The following RUSC1 variants were observed in gnomAD, a reference collection of about 807,000 sequenced individuals.
The protein encoded by RUSC1 is RUN and SH3 domain containing 1, also known as AP-4 complex accessory subunit RUSC1.
In RUSC1, 40 loss-of-function variants were observed where a neutral mutation model predicts 72.1. The ratio of observed to expected loss-of-function variants is 0.55; its 90% CI spans 0.43 to 0.72. RUSC1 has a LOEUF of 0.72. Among genes scored for constraint, RUSC1 ranks in the 30% least tolerant of loss-of-function variants. The pLI, the probability that RUSC1 is intolerant of heterozygous loss-of-function variation, is 0.00. For missense variants in RUSC1, 1,092 were observed against 1,172.3 expected, an observed-to-expected ratio of 0.93 and a Z score of 1.00; for synonymous variants, 512 against 494.2, an observed-to-expected ratio of 1.04 and a Z score of -0.48.
rs1332404114 is a variant in RUSC1 at position 155,322,931 on chromosome 1, G to T, written c.1158G>T (p.Pro386=). The change falls in exon 2 of 10, where the codon CCG becomes CCT. Residue 386 remains proline, a synonymous_variant. Transcript: ENST00000368352. ...SRSRAPAPPV[P]PRDPPVGWAL... is the part of the protein sequence containing the mutation. Reference sequence around the variant, plus strand: ...GCCGGGCCCCAGCCCCGCCAGTCCCGCCTCGAGACCCCCCAGTTGGCTGGG... The same window carrying T: ...GCCGGGCCCCAGCCCCGCCAGTCCCTCCTCGAGACCCCCCAGTTGGCTGGG... 2 of 1,601,310 alleles carry T rather than the reference G, an allele frequency of 1.2e-6. No individual in the cohort carries two copies. Among genetic ancestry groups the T allele is most frequent in the Non-Finnish European group, 1.7e-6 (2 of 1,174,290 alleles).
Position 155,325,686 on chromosome 1 carries a change from T to G in RUSC1, c.1814+14T>G. On this transcript the variant is annotated intron_variant, in intron 6 of 9. Coordinates refer to ENST00000368352, the MANE Select transcript of RUSC1 (RefSeq NM_001105203.2). The surrounding 1 kb of genome is among the most constrained non-coding windows in gnomAD (Gnocchi z 6.5). Reference sequence around the variant, plus strand: ...GGGCCTCCTCAAGTGAGTTGCCTTCTTTCCAGTGCCCTTCCCACGACCTGG... The same window carrying G: ...GGGCCTCCTCAAGTGAGTTGCCTTCGTTCCAGTGCCCTTCCCACGACCTGG... 1 of 1,613,226 alleles carries G rather than the reference T, an allele frequency of 6.2e-7. No individual in the cohort carries two copies. Among genetic ancestry groups the G allele is most frequent in the Non-Finnish European group, 8.5e-7 (1 of 1,179,538 alleles).
Position 155,320,911 on chromosome 1 carries a change from C to T in RUSC1, c.-167C>T. 1 of 1,591,108 alleles carries T rather than the reference C, an allele frequency of 6.3e-7. No homozygotes were observed. The highest frequency in any genetic ancestry group is 8.6e-7 in the Non-Finnish European group (1 of 1,168,956). On this transcript the variant is annotated 5_prime_UTR_variant, in exon 1 of 10. Transcript: ENST00000368352. The stretch of plus-strand genomic sequence containing the variant: ...GGTAGGTTGTGCTAGTGCCCCTCCC[C>T]TCCCGCTCTGTGCCCCGCCGGGCGG...
intron 2 of RUSC1, chr1:155,324,287 G>C (rs1371375607): frequency 6.5e-7 from 1 of 1,545,624 alleles, no homozygotes; most frequent in South Asian, 1.2e-5. Context: ...GCGGGATGAA[G>C]AGGGCACCCT....
At chr1:155,329,338 G>A (rs1168146544) in intron 9 of RUSC1, among the ~76,000 whole-genome samples, 1 of 150,398 alleles carries the variant, frequency 6.6e-6, no homozygotes. Flanking sequence ...TGCCTACCTT[G>A]GCCTCCCAAA....
In RUSC1 at chr1:155,324,908, A is replaced by G; in HGVS notation, c.1421A>G (p.Gln474Arg). The G allele has an allele frequency of 6.2e-7, 1 of 1,614,214 alleles. No individual in the cohort carries two copies. Among genetic ancestry groups the G allele is most frequent in the Non-Finnish European group, 8.5e-7 (1 of 1,180,022 alleles). The change falls in exon 3 of 10, where the codon CAG becomes CGG. Residue 474 changes from glutamine (Q) to arginine (R), a missense_variant. Coordinates refer to ENST00000368352, the MANE Select transcript of RUSC1 (RefSeq NM_001105203.2). ...CAGCGGCTGTGGATGGCAGAAGCCC[A>G]GAGTGGGACTGGTCAGCTGCAGGAG... ...GAQRLWMAEA[Q>R]SGTGQLQEQK...
Position 155,325,522 on chromosome 1 carries a change from C to A in RUSC1, c.1708+32C>A. 2 of 1,604,202 alleles carry A rather than the reference C, an allele frequency of 1.2e-6. No homozygotes were observed. The highest frequency in any genetic ancestry group is 1.1e-5 in the South Asian group (1 of 90,818). ...CAGGAGGGCGTGGGACCCGGCAGTGCGCAGGGCAGGGCCGGGCTTGGCTGA... is the reference window on the plus strand; with the variant it reads ...CAGGAGGGCGTGGGACCCGGCAGTGAGCAGGGCAGGGCCGGGCTTGGCTGA... On this transcript the variant is annotated intron_variant, in intron 5 of 9. Transcript: ENST00000368352. The surrounding 1 kb of genome is among the most constrained non-coding windows in gnomAD (Gnocchi z 6.5).
Position 155,330,773 on chromosome 1 carries a change from A to AT in RUSC1, c.*202_*203insT. The AT allele has an allele frequency of 2.0e-6, 1 of 510,176 alleles. No individual in the cohort carries two copies. The allele number at this position is 510,176 out of a possible 1,614,324, so 31.6% of individuals were successfully genotyped here. The stretch of plus-strand genomic sequence containing the variant: ...AAATCTGCTCTTCTTCCAAATATAT[A>AT]AAAAAGGAATTGCCCTCCAGGTAAT... On this transcript the variant is annotated 3_prime_UTR_variant, in exon 10 of 10. Transcript: ENST00000368352.
Position 155,330,500 on chromosome 1 carries a change from G to C in RUSC1, c.2638G>C (p.Asp880His). 6.2e-7 allele frequency: 1 copy of C among 1,614,046 alleles called. No homozygotes were observed. The change falls in exon 10 of 10, where the codon GAC (aspartate) becomes CAC (histidine). Residue 880 changes from aspartate to histidine, a missense_variant. Coordinates refer to ENST00000368352, the MANE Select transcript of RUSC1 (RefSeq NM_001105203.2). ...VLRVITTVDE[D>H]WLRCGRDGME... The stretch of plus-strand genomic sequence containing the variant: ...GCGTGTCATCACCACAGTGGATGAG[G>C]ACTGGCTCCGCTGTGGGCGGGATGG...
At position 155,322,019 on chromosome 1, in the gene RUSC1, A is replaced by T. The variant is rs768163955; in HGVS notation, c.246A>T (p.Glu82Asp). Residue 82 changes from glutamate (E) to aspartate (D), a missense_variant, in exon 2 of 10, where the codon GAA (glutamate) becomes GAT (aspartate). By Grantham distance (45) the Glu-to-Asp change is conservative. Transcript: ENST00000368352. Reference sequence around the variant, plus strand: ...GCCAGGAGCACGGTCCGGGCCTAGAAAACCGGCAGGACCCGTCACAGGAGG... The same window carrying T: ...GCCAGGAGCACGGTCCGGGCCTAGATAACCGGCAGGACCCGTCACAGGAGG... Reference protein sequence around the residue: ...RCCQEHGPGLENRQDPSQEEE... With the variant: ...RCCQEHGPGLDNRQDPSQEEE... 8 of 1,609,464 alleles carry T rather than the reference A, an allele frequency of 5.0e-6. No individual in the cohort carries two copies. Among genetic ancestry groups the T allele is most frequent in the Non-Finnish European group, 6.8e-6 (8 of 1,177,482 alleles).
At position 155,322,564 on chromosome 1, in the gene RUSC1, C is replaced by G. The variant is rs1418859817; in HGVS notation, c.791C>G (p.Ser264Cys). ...TGGAAAAACAACGGGAATGTTAACT[C>G]TAGCTGGAAAAGTGAACCTGAAAAA... is the stretch of plus-strand genomic sequence containing the variant. ...TGWKNNGNVN[S>C]SWKSEPEKFD... Residue 264 changes from serine to cysteine, a missense_variant, in exon 2 of 10, where the codon TCT (serine) becomes TGT (cysteine). Coordinates refer to ENST00000368352, the MANE Select transcript of RUSC1 (RefSeq NM_001105203.2). The G allele has an allele frequency of 7.4e-6, 12 of 1,614,082 alleles. No homozygotes were observed. The highest frequency in any genetic ancestry group is 5.3e-5 in the African/African-American group (4 of 74,930).
At chr1:155,329,394 T>TTA (rs1330645451) in intron 9 of RUSC1, among the ~76,000 whole-genome samples, 1 of 132,664 alleles carries the variant, frequency 7.5e-6, no homozygotes, top group East Asian at 2.1e-4. Flanking sequence ...CTACTAAACT[T>TTA]TTTTTTTTTT....
intron 2 of RUSC1, 22 bp downstream of exon 2, chr1:155,323,152 G>A: frequency 1.4e-6 from 2 of 1,403,270 alleles, no homozygotes; most frequent in South Asian, 3.2e-5. Flanking sequence ...CAAGAAGCGG[G>A]AGGAGGGCTG....
In RUSC1 at chr1:155,322,050, G is replaced by A; in HGVS notation, c.277G>A (p.Gly93Arg). 1.2e-6 allele frequency: 2 copies of A among 1,613,512 alleles called. No homozygotes were observed. Among genetic ancestry groups the A allele is most frequent in the Non-Finnish European group, 1.7e-6 (2 of 1,179,626 alleles). ...NRQDPSQEEE[G>R]AASPSDPGCS... ...GCAGGACCCGTCACAGGAGGAAGAG[G>A]GGGCTGCCTCTCCCTCAGACCCAGG... The change falls in exon 2 of 10, where the codon GGG (glycine) becomes AGG (arginine). Residue 93 changes from glycine (G) to arginine (R), a missense_variant. Coordinates refer to ENST00000368352, the MANE Select transcript of RUSC1 (RefSeq NM_001105203.2).
At chr1:155,329,850 C>A (rs937247006) in intron 9 of RUSC1, among the ~76,000 whole-genome samples, 1 of 147,760 alleles carries the variant, frequency 6.8e-6, no homozygotes, top group Admixed American at 6.8e-5. Context: ...CCCAGCTACT[C>A]GGGAGGCTGA....
chr1:155,323,501 TC>T (rs1650851912), intron 2 of RUSC1: 1 of 165,980 alleles, frequency 6.0e-6, no homozygotes. Flanking sequence ...GGGTCTCTGC[TC>T]CTGGCTCCTC....
chr1:155,321,351 A>C, intron 1 of RUSC1: 2 of 1,374,080 alleles, frequency 1.5e-6, no homozygotes, highest in South Asian at 2.3e-5. Context: ...TCTGGGAGTA[A>C]GGGGTAGGCT....
chr1:155,324,885 G>A lies in RUSC1; in HGVS notation c.1398G>A (p.Gln466=), dbSNP rs774327720. The part of the protein sequence containing the change: ...SWSFAGVPGA[Q]RLWMAEAQSG... ...CCTTCGCCGGTGTCCCCGGAGCCCA[G>A]CGGCTGTGGATGGCAGAAGCCCAGA... Residue 466 remains glutamine, a synonymous_variant, in exon 3 of 10, where the codon CAG becomes CAA. Transcript: ENST00000368352. 4.3e-6 allele frequency: 7 copies of A among 1,614,252 alleles called. No individual in the cohort carries two copies. The South Asian group carries it at 7.7e-5, about 18-fold the overall frequency.
rs965383012 is a variant in RUSC1, at chr1:155,326,509, G to A, written c.1862-71G>A. 1.4e-5 allele frequency: 21 copies of A among 1,462,196 alleles called. No individual in the cohort carries two copies. Among genetic ancestry groups the A allele is most frequent in the Non-Finnish European group, 1.9e-5 (20 of 1,073,530 alleles). The allele number at this position is 1,462,196 out of a possible 1,614,324, so 90.6% of individuals were successfully genotyped here. A position where few individuals can be genotyped will look rare whatever the true frequency, so the allele number is the denominator to read the frequency against. Reference sequence around the variant, plus strand: ...GGCCTGGGAAGATGTGTGCTGACTGGTGGGCTGCTCTGGGGGGTCTTCTGG... The same window carrying A: ...GGCCTGGGAAGATGTGTGCTGACTGATGGGCTGCTCTGGGGGGTCTTCTGG... On this transcript the variant is annotated intron_variant, in intron 7 of 9. Transcript: ENST00000368352. This position sits in a 1 kb window ranked among gnomAD's most constrained non-coding sequence, Gnocchi z 4.7.
rs1651311041 is a variant in RUSC1 at position 155,325,742 on chromosome 1, T to C, written c.1814+70T>C. ...CAGGAGCGTCATGGGTGGGACACAG[T>C]AGTAGTGCCTCACATCCCCAGAGAA... On this transcript the variant is annotated intron_variant, in intron 6 of 9. Transcript: ENST00000368352. This position sits in a 1 kb window ranked among gnomAD's most constrained non-coding sequence, Gnocchi z 6.5. The C allele has an allele frequency of 1.3e-6, 2 of 1,582,194 alleles. No individual in the cohort carries two copies. Among genetic ancestry groups the C allele is most frequent in the Middle Eastern group, 3.4e-4 (2 of 5,950 alleles).
Sources: gnomAD v4.1 joint callset for allele counts (sites outside exome capture counted in the v4.1 genomes callset) on GRCh38, gnomAD v4.1.1 for gene constraint, Gnocchi (gnomAD v3.1) non-coding constraint, MANE v1.5 for transcripts, NCBI Gene and HGNC (gene_info 2026-07-23, HGNC 2026-07-21) for gene names.